Variants in ADAMTS16 observed in about 807,000 individuals in gnomAD.
The protein encoded by ADAMTS16 is ADAM metallopeptidase with thrombospondin type 1 motif 16.
ADAMTS16 carries 94 observed loss-of-function variants against 145.8 expected under a neutral mutation model. The observed-to-expected ratio is 0.64, with a 90% CI of 0.55 to 0.77. The LOEUF (loss-of-function observed/expected upper bound fraction) is 0.77, where lower values mean the gene tolerates loss of function less well. ADAMTS16 is among the 30% of genes least tolerant of loss of function. The pLI, the probability that ADAMTS16 is intolerant of heterozygous loss-of-function variation, is 0.00. For synonymous variants in ADAMTS16, 659 were observed against 604.3 expected (o/e 1.09, Z -1.33); for missense variants, 1,585 against 1,591.5 (o/e 1.00, Z 0.07).
intron 10 of ADAMTS16, 91 bp downstream of exon 10, chr5:5,209,337 G>T: frequency 1.4e-6 from 2 of 1,451,844 alleles, no homozygotes; most frequent in Non-Finnish European, 1.9e-6. Flanking sequence ...TGCATTTATT[G>T]GGTACCTACC....
chr5:5,237,390 A>G (rs576242555), intron 14 of ADAMTS16, among the ~76,000 whole-genome samples: 22 of 152,274 alleles, frequency 1.4e-4, no homozygotes, highest in Non-Finnish European at 7.4e-5. Flanking sequence ...TAGATCTGAA[A>G]GGGTGAGTTG....
At chr5:5,206,746 T>G (rs944313797) in intron 9 of ADAMTS16, among the ~76,000 whole-genome samples, 1 of 152,090 alleles carries the variant, frequency 6.6e-6, no homozygotes, top group African/African-American at 2.4e-5. Flanking sequence ...CCTCCCTAAG[T>G]GCTGGGATTA....
intron 18 of ADAMTS16, among the ~76,000 whole-genome samples, chr5:5,293,030 C>T (rs1739393918): frequency 6.6e-6 from 1 of 152,166 alleles, no homozygotes; most frequent in African/African-American, 2.4e-5. Context: ...GGAATGGAAG[C>T]CACAGTGACC....
chr5:5,153,795 T>A (rs539918655), intron 3 of ADAMTS16, among the ~76,000 whole-genome samples: 31 of 152,352 alleles, frequency 2.0e-4, no homozygotes, highest in African/African-American at 7.2e-4. Flanking sequence ...TGAAATTTAA[T>A]TCGTCTTGCA....
intron 3 of ADAMTS16, among the ~76,000 whole-genome samples, chr5:5,153,675 C>T (rs1734529072): frequency 6.6e-6 from 1 of 152,046 alleles, no homozygotes; most frequent in South Asian, 2.1e-4. Context: ...AAAATGTTTT[C>T]TGTTGCATAT....
chr5:5,235,775 A>T (rs1737089479), intron 13 of ADAMTS16, among the ~76,000 whole-genome samples: 1 of 152,152 alleles, frequency 6.6e-6, no homozygotes. Context: ...TTAAGGAGAA[A>T]TTCAAAGAAA....
chr5:5,288,357 C>A (rs1739178501), intron 18 of ADAMTS16, among the ~76,000 whole-genome samples: 2 of 152,164 alleles, frequency 1.3e-5, no homozygotes, highest in Non-Finnish European at 2.9e-5. Flanking sequence ...TCATGTTAGA[C>A]ACGTAGGCTT....
At chr5:5,309,358 AGTTGGTTGATTTG>A (rs1327143685) in intron 21 of ADAMTS16, among the ~76,000 whole-genome samples, 1 of 151,918 alleles carries the variant, frequency 6.6e-6, no homozygotes, top group Admixed American at 6.6e-5. Flanking sequence ...TTTGATCTGC[AGTTGGTTGATTTG>A]GTTGGTTGAT....
chr5:5,145,200 A>G (rs1734261655), intron 2 of ADAMTS16, among the ~76,000 whole-genome samples: 1 of 152,206 alleles, frequency 6.6e-6, no homozygotes, highest in South Asian at 2.1e-4. Context: ...TGGAAAAAAT[A>G]CTGTATTAAT....
intron 2 of ADAMTS16, among the ~76,000 whole-genome samples, 189 bp from the exon 3 acceptor site, chr5:5,145,941 T>C (rs982698592): frequency 6.6e-6 from 1 of 152,146 alleles, no homozygotes; most frequent in Non-Finnish European, 1.5e-5. Context: ...TTGTTACAAT[T>C]TTTTTCTTTA....
intron 18 of ADAMTS16, among the ~76,000 whole-genome samples, chr5:5,302,921 G>A (rs1358423327): frequency 2.0e-5 from 3 of 151,982 alleles, no homozygotes; most frequent in Non-Finnish European, 4.4e-5. Context: ...GAGTGGACAG[G>A]AACCCAGAGG....
intron 3 of ADAMTS16, among the ~76,000 whole-genome samples, chr5:5,152,193 C>T (rs1190383573): frequency 2.0e-5 from 3 of 152,246 alleles, no homozygotes; most frequent in Non-Finnish European, 2.9e-5. Flanking sequence ...GTTCATGCAG[C>T]CTGTCTCTTC....
intron 3 of ADAMTS16, among the ~76,000 whole-genome samples, chr5:5,177,789 T>G (rs1238896206): frequency 2.0e-5 from 3 of 152,226 alleles, no homozygotes; most frequent in African/African-American, 2.4e-5. Context: ...ATGAAATTAC[T>G]TGATAATTAA....
chr5:5,253,655 C>A (rs556548785), intron 17 of ADAMTS16, among the ~76,000 whole-genome samples: 4 of 152,150 alleles, frequency 2.6e-5, no homozygotes, highest in Non-Finnish European at 5.9e-5. Context: ...CGTTCCCACC[C>A]AGGGACCACC....
intron 16 of ADAMTS16, among the ~76,000 whole-genome samples, chr5:5,240,854 T>G (rs572976239): frequency 6.6e-6 from 1 of 152,202 alleles, no homozygotes. Flanking sequence ...TTGATCAATT[T>G]ATCTTGAATT....
intron 9 of ADAMTS16, among the ~76,000 whole-genome samples, chr5:5,204,154 TA>T (rs1736029031): frequency 6.6e-6 from 1 of 152,112 alleles, no homozygotes; most frequent in African/African-American, 2.4e-5. Flanking sequence ...GTGGGTAATA[TA>T]ACCTTTTCTG....
chr5:5,309,897 A>C (rs1396265115), intron 21 of ADAMTS16, among the ~76,000 whole-genome samples: 1 of 151,650 alleles, frequency 6.6e-6, no homozygotes, highest in Non-Finnish European at 1.5e-5. Context: ...AGAGAAAGCA[A>C]ACGGAATGTG....
chr5:5,253,372 A>G (rs999256002), intron 17 of ADAMTS16, among the ~76,000 whole-genome samples: 1 of 152,194 alleles, frequency 6.6e-6, no homozygotes, highest in African/African-American at 2.4e-5. Context: ...AACAGGTTGC[A>G]TTCTTTTGTG....
intron 3 of ADAMTS16, among the ~76,000 whole-genome samples, chr5:5,147,085 C>T (rs1167448294): frequency 6.6e-6 from 1 of 152,152 alleles, no homozygotes; most frequent in East Asian, 1.9e-4. Context: ...GAGCCGGGGG[C>T]TTATGGCCGA....
Sources: allele counts gnomAD v4.1 joint callset (sites outside exome capture counted in the v4.1 genomes callset), GRCh38; gene constraint gnomAD v4.1.1; transcripts MANE v1.5; gene names NCBI Gene and HGNC (gene_info 2026-07-23, HGNC 2026-07-21).